Variants in SS18 observed in about 807,000 individuals in gnomAD.
SS18 encodes protein SSXT.
In SS18, 28 loss-of-function variants were observed where a neutral mutation model predicts 72.5. The observed-to-expected ratio is 0.39, with a 90% CI of 0.29 to 0.53. SS18 has a LOEUF of 0.53. SS18 is among the 20% of genes least tolerant of loss of function. The pLI is 0.76. For synonymous variants in SS18, 172 were observed against 164.2 expected (o/e 1.05, Z -0.37); for missense variants, 518 against 535.3 (o/e 0.97, Z 0.32).
intron 3 of SS18, among the ~76,000 whole-genome samples, chr18:26,060,956 AAAAAAAAAAAAAACAGATTATGG>A (rs1441636763): frequency 8.4e-6 from 1 of 119,128 alleles, no homozygotes; most frequent in Non-Finnish European, 1.6e-5. Context: ...ACTTTGTCTC[AAAAAAAAAAAAAACAGATTATGG>A]AGTTACTAAA....
chr18:26,017,479 G>A lies in SS18; in HGVS notation c.*875C>T, dbSNP rs533432087. On this transcript the variant is annotated 3_prime_UTR_variant, in exon 11 of 11. Coordinates refer to ENST00000415083, the MANE Select transcript of SS18 (RefSeq NM_001007559.3). ...TAAGTTCCCTGATAACTCAAACAAG[G>A]TAAAATTAACACTTTCATTTTCAGT... 2.1e-5 allele frequency: 4 copies of A among 194,352 alleles called. No individual in the cohort carries two copies. The East Asian group carries it at 3.3e-4, about 16-fold the overall frequency. The allele number at this position is 194,352 out of a possible 1,614,324, so 12.0% of individuals were successfully genotyped here. A position where few individuals can be genotyped will look rare whatever the true frequency, so the allele number is the denominator to read the frequency against.
chr18:26,047,274 A>G (rs1340159458), intron 5 of SS18, among the ~76,000 whole-genome samples: 1 of 149,714 alleles, frequency 6.7e-6, no homozygotes, highest in Admixed American at 6.6e-5. Context: ...AAAAAAAAAA[A>G]AAAAAAAAGA....
At chr18:26,051,057 C>T (rs2053913881) in intron 5 of SS18, among the ~76,000 whole-genome samples, 1 of 152,096 alleles carries the variant, frequency 6.6e-6, no homozygotes, top group South Asian at 2.1e-4. Context: ...CATAAACTGA[C>T]CAGGTGCAGT....
chr18:26,091,172 G>T (rs182246189), upstream of SS18: 201 of 153,262 alleles, frequency 1.3e-3, no homozygotes, highest in South Asian at 4.4e-3. Context: ...TCGGGAGTTC[G>T]TGCAAATCCG....
At chr18:26,054,743 CT>C (rs778326015) in intron 4 of SS18, among the ~76,000 whole-genome samples, 181 of 133,974 alleles carry the variant, frequency 1.4e-3, no homozygotes, top group Middle Eastern at 3.6e-3. Context: ...ATCTCTCTCT[CT>C]TTTTTTTTTT....
chr18:26,090,442 G>C, intron 1 of SS18, 59 bp downstream of exon 1: 4 of 1,512,886 alleles, frequency 2.6e-6, no homozygotes, highest in Non-Finnish European at 3.6e-6. Flanking sequence ...CCTTCCCCCC[G>C]CGTCTGTCTC....
At chr18:26,076,620 G>C (rs1036398737) in intron 3 of SS18, among the ~76,000 whole-genome samples, 17 of 151,914 alleles carry the variant, frequency 1.1e-4, no homozygotes, top group Admixed American at 7.9e-4. Flanking sequence ...TTAGGGACAA[G>C]CATCTTATTG....
At chr18:26,044,587 G>A (rs1230243547) in intron 5 of SS18, among the ~76,000 whole-genome samples, 1 of 151,894 alleles carries the variant, frequency 6.6e-6, no homozygotes. Flanking sequence ...GCATCCCAAA[G>A]TGCTGGGATT....
chr18:26,026,116 T>G (rs1342652271), intron 10 of SS18, among the ~76,000 whole-genome samples: 1 of 152,182 alleles, frequency 6.6e-6, no homozygotes, highest in African/African-American at 2.4e-5. Flanking sequence ...GAACCACTGT[T>G]ATGTCAGGAC....
upstream of SS18, chr18:26,090,622 A>G: frequency 6.5e-7 from 1 of 1,529,746 alleles, no homozygotes; most frequent in Non-Finnish European, 8.8e-7. Context: ...GTGAACGGCA[A>G]ACTGGGGGAG....
intron 3 of SS18, among the ~76,000 whole-genome samples, chr18:26,068,842 T>A (rs1170177555): frequency 6.6e-6 from 1 of 152,206 alleles, no homozygotes; most frequent in East Asian, 1.9e-4. Flanking sequence ...TGTACAGATA[T>A]CTTTGTAAAG....
chr18:26,064,790 G>T (rs529241081), intron 3 of SS18: 67 of 151,980 alleles, frequency 4.4e-4, no homozygotes, highest in African/African-American at 1.4e-3. Context: ...AAAGTAAAAA[G>T]AAATAATGAT....
intron 3 of SS18, 87 bp from the exon 4 acceptor site, chr18:26,057,829 T>C (rs1390733151): frequency 1.5e-6 from 2 of 1,311,542 alleles, no homozygotes; most frequent in Non-Finnish European, 2.0e-6. Context: ...TGTTACTAAA[T>C]TGCAGTAAGA....
At chr18:26,036,549 C>T (rs1267340515) in intron 7 of SS18, among the ~76,000 whole-genome samples, 5 of 152,058 alleles carry the variant, frequency 3.3e-5, no homozygotes, top group Non-Finnish European at 5.9e-5. Context: ...ATTGTGTTGA[C>T]AGAGTATATC....
intron 5 of SS18, among the ~76,000 whole-genome samples, chr18:26,041,286 T>C (rs1319301056): frequency 6.6e-6 from 1 of 152,096 alleles, no homozygotes; most frequent in Non-Finnish European, 1.5e-5. Context: ...TAGCCAGGCA[T>C]GGTGGTGCAC....
chr18:26,057,776 C>CA (rs1458024107), intron 3 of SS18, 34 bp from the exon 4 acceptor site: 1 of 1,565,968 alleles, frequency 6.4e-7, no homozygotes, highest in African/African-American at 1.4e-5. Context: ...ACAAGAGAAA[C>CA]AGACTAATAT....
chr18:26,032,412 T>TA lies in SS18; in HGVS notation c.1216dup (p.Tyr406LeufsTer4). 6.2e-7 allele frequency: 1 copy of TA among 1,613,812 alleles called. No homozygotes were observed. The highest frequency in any genetic ancestry group is 2.2e-5 in the East Asian group (1 of 44,868). ...CAAACTACTTACCTGGTCATATCCA[T>TA]AAGGCCTCTGCTGGGGTGGCTGTGG... On this transcript the variant is annotated frameshift_variant, in exon 10 of 11. Coordinates refer to ENST00000415083, the MANE Select transcript of SS18 (RefSeq NM_001007559.3). LOFTEE classifies it high-confidence loss of function.
intron 5 of SS18, among the ~76,000 whole-genome samples, chr18:26,040,122 TAAAG>T (rs2053698481): frequency 1.3e-5 from 2 of 152,176 alleles, no homozygotes; most frequent in Non-Finnish European, 2.9e-5. Flanking sequence ...ATACATTACA[TAAAG>T]ACTCTCACAC....
chr18:26,040,731 T>C (rs2053708799), intron 5 of SS18, among the ~76,000 whole-genome samples: 1 of 152,238 alleles, frequency 6.6e-6, no homozygotes, highest in Non-Finnish European at 1.5e-5. Context: ...GTTTTTCTCC[T>C]ATTTGCCTTC....
Sources: allele counts gnomAD v4.1 joint callset (sites outside exome capture counted in the v4.1 genomes callset), GRCh38; gene constraint gnomAD v4.1.1; transcripts MANE v1.5; gene names NCBI Gene and HGNC (gene_info 2026-07-23, HGNC 2026-07-21).